The following SPTSSB variants were observed in gnomAD, a reference collection of about 807,000 sequenced individuals.
SPTSSB encodes serine palmitoyltransferase small subunit B.
SPTSSB carries 6 observed loss-of-function variants against 7.7 expected under a neutral mutation model. The observed-to-expected ratio is 0.78, with a 90% CI of 0.43 to 1.54. SPTSSB has a LOEUF of 1.54. SPTSSB is among the 40% of genes most tolerant of loss of function. The pLI, the probability that SPTSSB is intolerant of heterozygous loss-of-function variation, is 0.01. For synonymous variants in SPTSSB, 28 were observed against 29.7 expected (o/e 0.94, Z 0.19); for missense variants, 91 against 93.0 (o/e 0.98, Z 0.09).
chr3:161,352,080 T>A (rs1714565555), intron 2 of SPTSSB, among the ~76,000 whole-genome samples: 1 of 152,234 alleles, frequency 6.6e-6, no homozygotes, highest in African/African-American at 2.4e-5. Context: ...GTCTCTTTTT[T>A]ACCTTACAGT....
rs1714932915 is a variant in SPTSSB, at chr3:161,359,812, C to T, written c.-43G>A. On this transcript the variant is annotated 5_prime_UTR_variant, in exon 2 of 3. Transcript: ENST00000620149. ...TCAGAATTTACTTGCCTAAGAAAGT[C>T]CAGGTCTGGTTCTTCAGCCTTGCTC... is the stretch of plus-strand genomic sequence containing the variant. The T allele has an allele frequency of 1.0e-6, 1 of 985,350 alleles. No individual in the cohort carries two copies. The highest frequency in any genetic ancestry group is 4.7e-5 in the South Asian group (1 of 21,290). The allele number at this position is 985,350 out of a possible 1,614,324, so 61.0% of individuals were successfully genotyped here.
chr3:161,349,161 C>G (rs556381884), intron 2 of SPTSSB, among the ~76,000 whole-genome samples: 1 of 152,188 alleles, frequency 6.6e-6, no homozygotes, highest in South Asian at 2.1e-4. Context: ...ACTTTATTCT[C>G]AAAGGCATTA....
At chr3:161,364,544 G>A (rs536487775) in intron 1 of SPTSSB, among the ~76,000 whole-genome samples, 2 of 152,132 alleles carry the variant, frequency 1.3e-5, no homozygotes, top group African/African-American at 2.4e-5. Flanking sequence ...ATATGAGGAG[G>A]CACTATGCTA....
At chr3:161,347,424 AT>A (rs1006225611) in intron 2 of SPTSSB, among the ~76,000 whole-genome samples, 4 of 150,154 alleles carry the variant, frequency 2.7e-5, no homozygotes, top group African/African-American at 7.3e-5. Flanking sequence ...TGCCCGGCTA[AT>A]TTTTTTTTGC....
At chr3:161,366,258 A>C (rs35100811) in intron 1 of SPTSSB, among the ~76,000 whole-genome samples, 49,206 of 152,104 alleles carry the variant, frequency 0.32, 8,221 homozygotes, top group East Asian at 0.54. Flanking sequence ...CTGAAAGCCC[A>C]GGCTGATGAT....
At chr3:161,369,302 CTTTCTTTCTTTCTCTTTCTT>C (rs1560108961) in intron 1 of SPTSSB, among the ~76,000 whole-genome samples, 2 of 57,776 alleles carry the variant, frequency 3.5e-5, no homozygotes, top group Non-Finnish European at 2.9e-5. Flanking sequence ...TTCTTTCTTT[CTTTCTTTCTTTCTCTTTCTT>C]TCTTTCTTTC....
chr3:161,350,056 A>AG (rs1269355542), intron 2 of SPTSSB, among the ~76,000 whole-genome samples: 2 of 152,272 alleles, frequency 1.3e-5, no homozygotes, highest in East Asian at 3.9e-4. Flanking sequence ...ATTAAAAAAA[A>AG]CCACATGTGG....
rs1009724233 is a variant in SPTSSB at position 161,359,874 on chromosome 3, T to C, written c.-105A>G. On this transcript the variant is annotated 5_prime_UTR_variant, in exon 2 of 3. Transcript: ENST00000620149. Reference sequence around the variant, plus strand: ...GATCCTGTGTGGGTTAGTTCTCCTCTCTGGGTTGCTGTTTCCTCATCTGCA... The same window carrying C: ...GATCCTGTGTGGGTTAGTTCTCCTCCCTGGGTTGCTGTTTCCTCATCTGCA... 1 of 832,878 alleles carries C rather than the reference T, an allele frequency of 1.2e-6. No homozygotes were observed. The highest frequency in any genetic ancestry group is 1.4e-6 in the Non-Finnish European group (1 of 691,042). 51.6% of individuals were successfully genotyped at this position (832,878 alleles called of 1,614,324 possible).
intron 1 of SPTSSB, among the ~76,000 whole-genome samples, chr3:161,369,947 C>T (rs1010076944): frequency 2.6e-5 from 4 of 152,102 alleles, no homozygotes; most frequent in African/African-American, 9.7e-5. Context: ...AGGACAATTA[C>T]CAGGAACTTT....
chr3:161,361,036 T>G (rs1327093958), intron 1 of SPTSSB, among the ~76,000 whole-genome samples: 1 of 152,170 alleles, frequency 6.6e-6, no homozygotes, highest in Non-Finnish European at 1.5e-5. Flanking sequence ...AAATGGTCAC[T>G]CCAGCAAGCT....
rs1358739309 is a variant in SPTSSB at position 161,345,295 on chromosome 3, T to A, written c.*798A>T. 1.3e-5 allele frequency: 2 copies of A among 152,568 alleles called. No individual in the cohort carries two copies. The highest frequency in any genetic ancestry group is 2.4e-5 in the African/African-American group (1 of 41,434). The allele number at this position is 152,568 out of a possible 1,614,324, so 9.5% of individuals were successfully genotyped here. On this transcript the variant is annotated 3_prime_UTR_variant, in exon 3 of 3. Coordinates refer to ENST00000620149, the MANE Select transcript of SPTSSB (RefSeq NM_001040100.2). ...CATGCTTTTTTCCCTCTACACTGAA[T>A]GAAAGTACAAAAAGAAAACCATTTC...
intron 2 of SPTSSB, among the ~76,000 whole-genome samples, chr3:161,346,944 G>A (rs958413858): frequency 1.3e-5 from 2 of 152,202 alleles, no homozygotes; most frequent in African/African-American, 4.8e-5. Flanking sequence ...GCCAGAAGCT[G>A]TAGGGCCTAG....
intron 1 of SPTSSB, 82 bp downstream of exon 1, chr3:161,371,353 A>AT: frequency 5.5e-6 from 5 of 913,396 alleles, no homozygotes; most frequent in Non-Finnish European, 5.2e-6. Context: ...CTCAGTATTA[A>AT]TTTTTTCCTC....
chr3:161,357,931 C>T (rs1030860580), intron 2 of SPTSSB, among the ~76,000 whole-genome samples: 2 of 152,110 alleles, frequency 1.3e-5, no homozygotes, highest in African/African-American at 4.8e-5. Flanking sequence ...TTGTTTTAAG[C>T]CGCTAAATCT....
At chr3:161,362,254 C>A (rs544302490) in intron 1 of SPTSSB, among the ~76,000 whole-genome samples, 1 of 152,122 alleles carries the variant, frequency 6.6e-6, no homozygotes, top group African/African-American at 2.4e-5. Flanking sequence ...AAAGGAGAAG[C>A]AGTTTACTAT....
intron 2 of SPTSSB, among the ~76,000 whole-genome samples, chr3:161,349,444 G>T (rs1314917634): frequency 1.3e-5 from 2 of 152,178 alleles, no homozygotes; most frequent in African/African-American, 2.4e-5. Flanking sequence ...CTTCCTTAGA[G>T]ACCTAGTGCT....
chr3:161,354,473 C>G (rs1382003308), intron 2 of SPTSSB, among the ~76,000 whole-genome samples: 1 of 152,208 alleles, frequency 6.6e-6, no homozygotes, highest in Non-Finnish European at 1.5e-5. Flanking sequence ...TCCCAAGTAG[C>G]TGGGACTATT....
At chr3:161,362,657 TATG>T (rs1194398355) in intron 1 of SPTSSB, among the ~76,000 whole-genome samples, 3 of 152,104 alleles carry the variant, frequency 2.0e-5, no homozygotes, top group African/African-American at 7.2e-5. Context: ...TTGCCTTGTT[TATG>T]ATGACAAATA....
intron 2 of SPTSSB, among the ~76,000 whole-genome samples, chr3:161,349,865 C>G (rs899956049): frequency 6.6e-6 from 1 of 152,176 alleles, no homozygotes; most frequent in Non-Finnish European, 1.5e-5. Context: ...CTGATTGTTA[C>G]TACTCTTTTA....
Sources: allele counts gnomAD v4.1 joint callset (sites outside exome capture counted in the v4.1 genomes callset), GRCh38; gene constraint gnomAD v4.1.1; transcripts MANE v1.5; gene names NCBI Gene and HGNC (gene_info 2026-07-23, HGNC 2026-07-21).